The following COL25A1 variants were observed in gnomAD, a reference collection of about 807,000 sequenced individuals.
COL25A1 encodes the protein collagen alpha-1(XXV) chain.
In COL25A1, 103 loss-of-function variants were observed where a neutral mutation model predicts 128.4. The observed-to-expected ratio is 0.80, with a 90% confidence interval of 0.68 to 0.94. COL25A1 has a LOEUF of 0.94. Among genes scored for constraint, COL25A1 ranks in the 40% least tolerant of loss-of-function variants. The probability of loss-of-function intolerance (pLI) is 0.00; values close to 1 mark genes in which losing one functional copy is unlikely to be tolerated. For missense variants in COL25A1, 745 were observed against 840.0 expected (o/e 0.89, Z 1.40); for synonymous variants, 279 against 277.2 (o/e 1.01, Z -0.06).
intron 5 of COL25A1, among the ~76,000 whole-genome samples, chr4:109,044,137 A>G (rs3096472): frequency 0.5 from 76,121 of 151,428 alleles, 21,194 homozygotes; most frequent in African/African-American, 0.73. Context: ...ATAAATATAT[A>G]TATCTCAAAA....
chr4:109,138,696 GTTTTTT>G (rs906159331), intron 3 of COL25A1, among the ~76,000 whole-genome samples: 1 of 148,676 alleles, frequency 6.7e-6, no homozygotes, highest in African/African-American at 2.5e-5. Context: ...TTTTGTTTTT[GTTTTTT>G]GTTTTTTGTT....
chr4:109,142,861 C>A (rs540992440), intron 3 of COL25A1, among the ~76,000 whole-genome samples: 1 of 152,116 alleles, frequency 6.6e-6, no homozygotes, highest in East Asian at 1.9e-4. Flanking sequence ...ACTCTTTATC[C>A]AATTTGCCAG....
intron 3 of COL25A1, among the ~76,000 whole-genome samples, chr4:109,167,979 A>C (rs1393441966): frequency 1.3e-5 from 2 of 152,088 alleles, no homozygotes; most frequent in Non-Finnish European, 2.9e-5. Flanking sequence ...TAATTCTGTA[A>C]CCCAATCAAT....
At chr4:108,827,028 T>C in intron 33 of COL25A1, 107 bp downstream of exon 33, 2 of 929,086 alleles carry the variant, frequency 2.2e-6, no homozygotes, top group South Asian at 2.8e-5. Flanking sequence ...TGGATTGTTG[T>C]TTCTTCTCTA....
intron 3 of COL25A1, among the ~76,000 whole-genome samples, chr4:109,299,530 T>C (rs944326544): frequency 4.6e-5 from 7 of 152,180 alleles, no homozygotes; most frequent in African/African-American, 1.7e-4. Context: ...TGGTGCCTTG[T>C]GTAGCTCTGC....
intron 3 of COL25A1, among the ~76,000 whole-genome samples, chr4:109,079,032 A>T (rs1307043902): frequency 6.6e-6 from 1 of 152,242 alleles, no homozygotes; most frequent in Non-Finnish European, 1.5e-5. Context: ...TGTGGTCAGA[A>T]GAATCTTACA....
intron 3 of COL25A1, among the ~76,000 whole-genome samples, chr4:109,237,635 T>G (rs1779562907): frequency 6.6e-6 from 1 of 150,642 alleles, no homozygotes; most frequent in Non-Finnish European, 1.5e-5. Context: ...TTTTTTTTTT[T>G]GCTTTAAAAA....
intron 2 of COL25A1, 137 bp from the exon 3 acceptor site, chr4:109,300,789 C>G: frequency 3.3e-6 from 2 of 604,966 alleles, no homozygotes; most frequent in South Asian, 4.6e-5. Flanking sequence ...TACTTGGACT[C>G]TAGTCAAGAA....
intron 3 of COL25A1, among the ~76,000 whole-genome samples, chr4:109,253,156 T>G (rs145615337): frequency 1.6e-3 from 247 of 152,312 alleles, no homozygotes; most frequent in African/African-American, 5.4e-3. Context: ...AGAACCACTC[T>G]TGGTACCAAA....
At chr4:109,288,444 T>A (rs1724103116) in intron 3 of COL25A1, among the ~76,000 whole-genome samples, 1 of 152,104 alleles carries the variant, frequency 6.6e-6, no homozygotes, top group Admixed American at 6.6e-5. Context: ...CCCTGCAAAA[T>A]CCATTATGAT....
In COL25A1 at chr4:109,142,795, T is replaced by C. The variant is rs555617811; in HGVS notation, c.368-92616A>G. ...CCTCCATCCCTTTATTTTGAGCCTA[T>C]GTGTGTCTTTGCAAATGAGATGGGT... is the stretch of plus-strand genomic sequence containing the variant. On this transcript the variant is annotated intron_variant, in intron 3 of 37. Coordinates refer to ENST00000399132, the MANE Select transcript of COL25A1 (RefSeq NM_198721.4). 4.6e-5 allele frequency among the ~76,000 whole-genome samples: 7 copies of C among 152,284 alleles called. No homozygotes were observed. The East Asian group carries it at 9.6e-4, about 21-fold the overall frequency.
At chr4:109,257,355 C>T (rs1781148471) in intron 3 of COL25A1, among the ~76,000 whole-genome samples, 1 of 152,106 alleles carries the variant, frequency 6.6e-6, no homozygotes, top group Admixed American at 6.6e-5. Context: ...TCATTCCATG[C>T]TTAAAACAGA....
chr4:109,017,187 G>A (rs886873958), intron 5 of COL25A1, among the ~76,000 whole-genome samples: 11 of 152,300 alleles, frequency 7.2e-5, no homozygotes, highest in South Asian at 2.1e-4. Context: ...GCACAGAGCC[G>A]GCATCTGTGA....
chr4:109,301,981 C>G lies in COL25A1; in HGVS notation c.39G>C (p.Arg13=). Residue 13 remains arginine, a synonymous_variant, in exon 2 of 38, where the codon CGG becomes CGC. Transcript: ENST00000399132. ...LKKHAGKGGG[R]EPRSEDPTPA... is the part of the protein sequence containing the mutation. The stretch of plus-strand genomic sequence containing the variant: ...GGGTCGGGTCCTCGGATCTGGGCTC[C>G]CGGCCCCCTCCTTTCCCTGCGTGCT... The G allele has an allele frequency of 6.2e-7, 1 of 1,604,988 alleles. No homozygotes were observed. Among genetic ancestry groups the G allele is most frequent in the Non-Finnish European group, 8.5e-7 (1 of 1,175,912 alleles).
chr4:108,888,616 A>T (rs983785246), intron 18 of COL25A1, among the ~76,000 whole-genome samples: 1 of 152,226 alleles, frequency 6.6e-6, no homozygotes, highest in Non-Finnish European at 1.5e-5. Context: ...TACAAATAAA[A>T]AAACAAAAAC....
intron 8 of COL25A1, among the ~76,000 whole-genome samples, chr4:108,971,951 A>G (rs1047755155): frequency 6.6e-6 from 1 of 152,230 alleles, no homozygotes; most frequent in African/African-American, 2.4e-5. Context: ...ACTGCTGAAT[A>G]TATGTCCAAG....
At chr4:109,180,503 T>C (rs1387465897) in intron 3 of COL25A1, among the ~76,000 whole-genome samples, 1 of 152,168 alleles carries the variant, frequency 6.6e-6, no homozygotes, top group African/African-American at 2.4e-5. Context: ...AAAAGTTGTA[T>C]CTATTGCACA....
intron 5 of COL25A1, among the ~76,000 whole-genome samples, chr4:109,021,559 C>G (rs1757769639): frequency 6.6e-6 from 1 of 152,094 alleles, no homozygotes; most frequent in Non-Finnish European, 1.5e-5. Flanking sequence ...AATATGAAAT[C>G]AGTGCACCTT....
At chr4:109,116,707 A>G (rs1260760169) in intron 3 of COL25A1, among the ~76,000 whole-genome samples, 1 of 152,068 alleles carries the variant, frequency 6.6e-6, no homozygotes, top group East Asian at 1.9e-4. Flanking sequence ...GAATTATCAA[A>G]CCAGGATTTT....
Sources: allele counts gnomAD v4.1 joint callset (sites outside exome capture counted in the v4.1 genomes callset), GRCh38; gene constraint gnomAD v4.1.1; transcripts MANE v1.5; gene names NCBI Gene and HGNC (gene_info 2026-07-23, HGNC 2026-07-21).